Variants in TRIO observed in about 807,000 individuals in gnomAD.
TRIO encodes the protein triple functional domain protein.
A neutral mutation model predicts 351.9 loss-of-function variants in TRIO; 58 were observed. That is an observed-to-expected ratio of 0.16 (90% CI 0.13 to 0.21). TRIO has a LOEUF of 0.21. TRIO is among the 10% of genes least tolerant of loss of function. TRIO has a pLI of 1.00. For missense variants in TRIO, 3,201 were observed against 4,027.8 expected (o/e 0.79, Z 5.56); for synonymous variants, 1,758 against 1,595.7 (o/e 1.10, Z -2.42).
chr5:14,406,021 G>A, intron 32 of TRIO, 31 bp downstream of exon 32: 1 of 1,603,292 alleles, frequency 6.2e-7, no homozygotes, highest in Non-Finnish European at 8.5e-7. Context: ...GGAGGTTTGT[G>A]GATGTGGGAG....
At chr5:14,380,251 T>A (rs1030066973) in intron 20 of TRIO, among the ~76,000 whole-genome samples, 1 of 151,234 alleles carries the variant, frequency 6.6e-6, no homozygotes, top group African/African-American at 2.4e-5. Flanking sequence ...TGTTCTCAGT[T>A]CCCTCTTCCC....
At chr5:14,304,812 T>C (rs1386996328) in intron 8 of TRIO, among the ~76,000 whole-genome samples, 1 of 152,200 alleles carries the variant, frequency 6.6e-6, no homozygotes, top group Non-Finnish European at 1.5e-5. Context: ...GCCTTTCCGA[T>C]AGAGCGCTTA....
intron 37 of TRIO, among the ~76,000 whole-genome samples, chr5:14,469,000 G>A (rs1213428285): frequency 6.6e-6 from 1 of 152,122 alleles, no homozygotes; most frequent in Admixed American, 6.5e-5. Flanking sequence ...CCTGCATGTC[G>A]GCAATAGAGT....
intron 1 of TRIO, among the ~76,000 whole-genome samples, chr5:14,149,239 CGTAAATCTCAAA>C (rs1561136171): frequency 1.3e-5 from 2 of 152,250 alleles, no homozygotes; most frequent in East Asian, 3.9e-4. Flanking sequence ...CCTGCTAGTT[CGTAAATCTCAAA>C]GAGAGATACC....
chr5:14,214,672 G>T (rs1389986138), intron 1 of TRIO, among the ~76,000 whole-genome samples: 19 of 152,144 alleles, frequency 1.2e-4, no homozygotes, highest in Admixed American at 1.2e-3. Context: ...CAATTTCATT[G>T]TTACTTCAGT....
At chr5:14,408,172 G>A (rs1748889376) in intron 33 of TRIO, among the ~76,000 whole-genome samples, 1 of 152,174 alleles carries the variant, frequency 6.6e-6, no homozygotes, top group Non-Finnish European at 1.5e-5. Flanking sequence ...TATTTCCGTG[G>A]CACATCTTTT....
intron 11 of TRIO, among the ~76,000 whole-genome samples, chr5:14,338,030 A>G (rs932400541): frequency 9.9e-5 from 15 of 152,064 alleles, no homozygotes; most frequent in African/African-American, 3.4e-4. Flanking sequence ...AAAAGAGGCT[A>G]TTTTTTTGAG....
At chr5:14,447,973 A>G (rs1752559894) in intron 34 of TRIO, among the ~76,000 whole-genome samples, 1 of 152,252 alleles carries the variant, frequency 6.6e-6, no homozygotes. Flanking sequence ...TATTCAGGAC[A>G]ATAATAAGTA....
At chr5:14,288,601 A>C (rs1174373537) in intron 4 of TRIO, among the ~76,000 whole-genome samples, 1 of 151,770 alleles carries the variant, frequency 6.6e-6, no homozygotes, top group Non-Finnish European at 1.5e-5. Context: ...TGGGAGGCAG[A>C]GCTTGCAGTG....
intron 1 of TRIO, among the ~76,000 whole-genome samples, chr5:14,144,471 T>A (rs1787372344): frequency 6.6e-6 from 1 of 152,080 alleles, no homozygotes; most frequent in African/African-American, 2.4e-5. Context: ...GTCACGGCAC[T>A]CACTGCCCAG....
Position 14,482,711 on chromosome 5 carries a change from G to A in TRIO, c.6595G>A (p.Glu2199Lys), listed in dbSNP as rs778053561. The change falls in exon 46 of 57, where the codon GAA (glutamate) becomes AAA (lysine). Residue 2199 changes from glutamate to lysine, a missense_variant. Physicochemically the swap from Glu to Lys is moderately conservative, Grantham distance 56 (BLOSUM62 1). Coordinates refer to ENST00000344204, the MANE Select transcript of TRIO (RefSeq NM_007118.4). ...CTTTGAGCAGATCGTCATATTCAGC[G>A]AACCACTTGATAAAAAGAAGGGCTT... ...FLFEQIVIFS[E>K]PLDKKKGFSM... is the part of the protein sequence containing the mutation. 6 of 1,610,558 alleles carry A rather than the reference G, an allele frequency of 3.7e-6. No homozygotes were observed. The highest frequency in any genetic ancestry group is 1.3e-5 in the African/African-American group (1 of 74,824).
intron 34 of TRIO, among the ~76,000 whole-genome samples, chr5:14,458,397 G>T (rs1753526861): frequency 6.6e-6 from 1 of 152,138 alleles, no homozygotes; most frequent in Non-Finnish European, 1.5e-5. Context: ...CAGTGCCTAG[G>T]TTACCTGTGC....
chr5:14,245,820 C>T (rs898613690), intron 1 of TRIO, among the ~76,000 whole-genome samples: 5 of 152,214 alleles, frequency 3.3e-5, no homozygotes, highest in Admixed American at 3.3e-4. Context: ...CCACCATTTC[C>T]GGCCAGGAAT....
intron 1 of TRIO, among the ~76,000 whole-genome samples, chr5:14,256,905 A>C (rs1400364891): frequency 6.6e-6 from 1 of 152,194 alleles, no homozygotes; most frequent in Non-Finnish European, 1.5e-5. Context: ...ACTTTAAACA[A>C]ATGAGTTCAG....
intron 1 of TRIO, among the ~76,000 whole-genome samples, chr5:14,238,866 C>A (rs533878642): frequency 2.0e-5 from 3 of 152,178 alleles, no homozygotes; most frequent in Non-Finnish European, 4.4e-5. Flanking sequence ...GGCTGGCTGC[C>A]TTGTTAACTG....
intron 1 of TRIO, among the ~76,000 whole-genome samples, chr5:14,235,718 A>G (rs1173655097): frequency 1.3e-5 from 2 of 152,086 alleles, no homozygotes; most frequent in Non-Finnish European, 2.9e-5. Flanking sequence ...CGAATCCACA[A>G]GCATGCATTT....
At position 14,487,520 on chromosome 5, in the gene TRIO, G is replaced by A. The variant is rs778805953; in HGVS notation, c.6892G>A (p.Gly2298Ser). The A allele has an allele frequency of 1.9e-6, 2 of 1,037,730 alleles. No homozygotes were observed. Among genetic ancestry groups the A allele is most frequent in the East Asian group, 8.1e-5 (1 of 12,288 alleles). 64.3% of individuals were successfully genotyped at this position (1,037,730 alleles called of 1,614,324 possible). ...RNHSGGGGGG[G>S]SGGSGGGGGS... ...CCACAGCGGGGGCGGCGGCGGCGGCGGCAGCGGGGGCAGCGGCGGGGGTGG... is the reference window on the plus strand; with the variant it reads ...CCACAGCGGGGGCGGCGGCGGCGGCAGCAGCGGGGGCAGCGGCGGGGGTGG... Residue 2298 changes from glycine to serine, a missense_variant, in exon 48 of 57, where the codon GGC (glycine) becomes AGC (serine). Gly to Ser is a moderately conservative substitution (Grantham distance 56). Transcript: ENST00000344204.
chr5:14,258,457 G>A (rs533605340), intron 1 of TRIO, among the ~76,000 whole-genome samples: 2 of 152,110 alleles, frequency 1.3e-5, no homozygotes, highest in African/African-American at 4.8e-5. Flanking sequence ...TTTGGAAAAC[G>A]ATGTTCCCTG....
chr5:14,406,972 AGCAG>A (rs1197490103), intron 33 of TRIO, among the ~76,000 whole-genome samples: 13 of 152,226 alleles, frequency 8.5e-5, no homozygotes, highest in Non-Finnish European at 1.6e-4. Context: ...CTTATTCCTA[AGCAG>A]AAGAACCTAT....
Sources: allele counts gnomAD v4.1 joint callset (sites outside exome capture counted in the v4.1 genomes callset), GRCh38; gene constraint gnomAD v4.1.1; transcripts MANE v1.5; gene names NCBI Gene and HGNC (gene_info 2026-07-23, HGNC 2026-07-21).